Variants in KLHL32 observed in about 807,000 individuals in gnomAD.
The protein encoded by KLHL32 is kelch like family member 32.
A neutral mutation model predicts 64.8 loss-of-function variants in KLHL32; 35 were observed. The ratio of observed to expected loss-of-function variants is 0.54; its 90% CI spans 0.41 to 0.72. KLHL32 has a LOEUF of 0.72. Ranked by LOEUF, KLHL32 falls within the 30% of genes least tolerant of loss-of-function variation. KLHL32 has a pLI of 0.00. For missense variants in KLHL32, 589 were observed against 768.5 expected (o/e 0.77, Z 2.76); for synonymous variants, 259 against 281.0 (o/e 0.92, Z 0.78).
At chr6:97,089,467 C>G (rs184714048) in intron 6 of KLHL32, among the ~76,000 whole-genome samples, 1 of 152,214 alleles carries the variant, frequency 6.6e-6, no homozygotes, top group Admixed American at 6.5e-5. Context: ...TTAGTGAGAA[C>G]TTATTATTTT....
chr6:96,911,395 C>T, the KLHL32 span, among the ~76,000 whole-genome samples: 1 of 136,998 alleles, frequency 7.3e-6, no homozygotes, highest in East Asian at 2.0e-4. Context: ...TTTTCAACTT[C>T]CCCCCATGGT....
chr6:96,978,468 A>G (rs1029172405), intron 3 of KLHL32, among the ~76,000 whole-genome samples: 4 of 152,340 alleles, frequency 2.6e-5, no homozygotes, highest in South Asian at 2.1e-4. Context: ...TGCAAAGGAC[A>G]TGATCTCATT....
At chr6:96,988,715 CAAT>C (rs1271667866) in intron 3 of KLHL32, among the ~76,000 whole-genome samples, 2 of 152,180 alleles carry the variant, frequency 1.3e-5, no homozygotes, top group African/African-American at 4.8e-5. Flanking sequence ...AAATGTCCAA[CAAT>C]GATAGACTGG....
At chr6:97,093,793 A>T (rs570965535) in intron 6 of KLHL32, among the ~76,000 whole-genome samples, 1 of 152,198 alleles carries the variant, frequency 6.6e-6, no homozygotes, top group Admixed American at 6.5e-5. Flanking sequence ...TTCAAAGTAC[A>T]CGATGGTGTA....
In KLHL32 at chr6:96,986,147, T is replaced by C. The variant is rs570012732; in HGVS notation, c.204+9970T>C. 3.3e-5 allele frequency among the ~76,000 whole-genome samples: 5 copies of C among 152,344 alleles called. No homozygotes were observed. In the East Asian group the frequency reaches 7.7e-4, roughly 24 times the overall value. On this transcript the variant is annotated intron_variant, in intron 3 of 10. Coordinates refer to ENST00000369261, the MANE Select transcript of KLHL32 (RefSeq NM_052904.4). The stretch of plus-strand genomic sequence containing the variant: ...TTTGTTGGAGGTCCACTCCAGACCC[T>C]GTTTGCCTGGGTATCACCAGTGGAG...
intron 6 of KLHL32, among the ~76,000 whole-genome samples, chr6:97,086,036 G>A (rs911229865): frequency 3.3e-5 from 5 of 152,106 alleles, no homozygotes; most frequent in Non-Finnish European, 5.9e-5. Context: ...GTGTCTTTGG[G>A]GAATAGTCAG....
At chr6:97,093,645 T>C (rs1395683326) in intron 6 of KLHL32, among the ~76,000 whole-genome samples, 1 of 151,258 alleles carries the variant, frequency 6.6e-6, no homozygotes, top group Non-Finnish European at 1.5e-5. Context: ...GTTGCAAAAA[T>C]GTCTCCAATA....
the KLHL32 span, among the ~76,000 whole-genome samples, chr6:96,899,680 C>G: frequency 6.6e-6 from 1 of 152,174 alleles, no homozygotes; most frequent in Non-Finnish European, 1.5e-5. Context: ...CAGAAACTCA[C>G]AATTGGCTGT....
At chr6:96,903,034 CT>C in the KLHL32 span, among the ~76,000 whole-genome samples, 1 of 151,876 alleles carries the variant, frequency 6.6e-6, no homozygotes, top group Non-Finnish European at 1.5e-5. Context: ...TTGCCGCCAG[CT>C]TTTTTCTTTC....
intron 3 of KLHL32, among the ~76,000 whole-genome samples, chr6:97,005,561 GGT>G (rs1779567336): frequency 1.3e-5 from 2 of 151,834 alleles, no homozygotes; most frequent in Admixed American, 6.6e-5. Context: ...ATTTCTTCTA[GGT>G]GTGATATTAG....
At chr6:97,034,210 G>A (rs1322728643) in intron 3 of KLHL32, among the ~76,000 whole-genome samples, 1 of 152,050 alleles carries the variant, frequency 6.6e-6, no homozygotes, top group Non-Finnish European at 1.5e-5. Context: ...TGTGAGATAA[G>A]GGTTCAATTC....
chr6:96,998,713 T>A (rs930313666), intron 3 of KLHL32, among the ~76,000 whole-genome samples: 1 of 152,248 alleles, frequency 6.6e-6, no homozygotes, highest in Non-Finnish European at 1.5e-5. Context: ...GATAAGTGGA[T>A]GTTTATGCCA....
the KLHL32 span, among the ~76,000 whole-genome samples, chr6:96,913,159 A>G: frequency 6.6e-6 from 1 of 152,238 alleles, no homozygotes; most frequent in African/African-American, 2.4e-5. Context: ...AATGAGGTAC[A>G]GCCTTTTTGA....
At chr6:97,054,266 C>CT (rs1407364059) in intron 4 of KLHL32, among the ~76,000 whole-genome samples, 2 of 152,282 alleles carry the variant, frequency 1.3e-5, no homozygotes, top group Non-Finnish European at 2.9e-5. Flanking sequence ...ATTGAATACT[C>CT]TAAGTTAACT....
chr6:97,065,978 G>T (rs978232178), intron 5 of KLHL32, among the ~76,000 whole-genome samples: 1 of 129,018 alleles, frequency 7.8e-6, no homozygotes, highest in Non-Finnish European at 1.9e-5. Flanking sequence ...ACAGTAAATG[G>T]TTAATGATTT....
chr6:97,082,147 G>T (rs1172423079), intron 5 of KLHL32, among the ~76,000 whole-genome samples: 1 of 152,176 alleles, frequency 6.6e-6, no homozygotes, highest in African/African-American at 2.4e-5. Context: ...AGTCCAGACG[G>T]GATGATAAGG....
chr6:96,993,284 A>G (rs2128067396), intron 3 of KLHL32, among the ~76,000 whole-genome samples: 1 of 152,310 alleles, frequency 6.6e-6, no homozygotes. Context: ...GTGGTTAATC[A>G]AAGGGTTGAT....
chr6:97,002,585 G>A (rs547809747), intron 3 of KLHL32, among the ~76,000 whole-genome samples: 28 of 152,112 alleles, frequency 1.8e-4, no homozygotes, highest in Non-Finnish European at 3.4e-4. Context: ...GGTCCTAAGC[G>A]TAGTACGCTA....
chr6:97,103,237 G>T (rs1401643142), intron 6 of KLHL32, among the ~76,000 whole-genome samples: 2 of 143,524 alleles, frequency 1.4e-5, no homozygotes, highest in African/African-American at 5.1e-5. Flanking sequence ...TTTTTGAGAC[G>T]GCGTCTCGCT....
Sources: allele counts gnomAD v4.1 joint callset (sites outside exome capture counted in the v4.1 genomes callset), GRCh38; gene constraint gnomAD v4.1.1; transcripts MANE v1.5; gene names NCBI Gene and HGNC (gene_info 2026-07-23, HGNC 2026-07-21).